The following CNTNAP2 variants were observed in gnomAD, a reference collection of about 807,000 sequenced individuals.
CNTNAP2 encodes contactin-associated protein-like 2.
Under a neutral mutation model 155.2 loss-of-function variants are expected in CNTNAP2, and 98 were observed. The ratio of observed to expected loss-of-function variants is 0.63; its 90% CI spans 0.54 to 0.75. The LOEUF is 0.75. CNTNAP2 is among the 30% of genes least tolerant of loss of function. The pLI is 0.00. For missense variants in CNTNAP2, 1,727 were observed against 1,688.1 expected (o/e 1.02, Z -0.40); for synonymous variants, 651 against 631.2 (o/e 1.03, Z -0.47).
chr7:147,347,612 G>T (rs1795900321), intron 9 of CNTNAP2, among the ~76,000 whole-genome samples: 1 of 151,238 alleles, frequency 6.6e-6, no homozygotes, highest in South Asian at 2.1e-4. Flanking sequence ...ACTACCAGAA[G>T]CAACCTACAG....
chr7:147,235,330 A>G (rs1351204953), intron 8 of CNTNAP2, among the ~76,000 whole-genome samples: 6 of 143,008 alleles, frequency 4.2e-5, no homozygotes, highest in African/African-American at 1.6e-4. Flanking sequence ...ACCTTTTTAT[A>G]GAGATGGAGT....
At chr7:148,310,176 TAG>T (rs1257581070) in intron 21 of CNTNAP2, among the ~76,000 whole-genome samples, 1 of 152,186 alleles carries the variant, frequency 6.6e-6, no homozygotes, top group African/African-American at 2.4e-5. Context: ...GACATCTAAC[TAG>T]AGAGTGTCCA....
At chr7:146,792,303 C>T (rs1420395827) in intron 2 of CNTNAP2, among the ~76,000 whole-genome samples, 3 of 151,398 alleles carry the variant, frequency 2.0e-5, no homozygotes, top group Non-Finnish European at 4.4e-5. Context: ...TAAATCTGAA[C>T]TATTTATTTT....
intron 1 of CNTNAP2, among the ~76,000 whole-genome samples, chr7:146,712,409 A>C (rs893043984): frequency 6.9e-6 from 1 of 144,224 alleles, no homozygotes; most frequent in Non-Finnish European, 1.5e-5. Context: ...AAAATAAAAA[A>C]CAGGAAATTG....
At position 147,973,911 on chromosome 7, in the gene CNTNAP2, A is replaced by G. The variant is rs188173483; in HGVS notation, c.2256-3951A>G. ...ATAATGTACATTATCTCACTTAATG[A>G]TTATTATTCTCACTTAATGAATCAT... On this transcript the variant is annotated intron_variant, in intron 14 of 23. Transcript: ENST00000361727. Among the ~76,000 whole-genome samples, 251 of 152,264 alleles carry G rather than the reference A, an allele frequency of 1.6e-3. 1 individual carries two copies. Among genetic ancestry groups the G allele is most frequent in the African/African-American group, 5.8e-3 (241 of 41,558 alleles).
chr7:146,577,231 G>T (rs1798539290), intron 1 of CNTNAP2, among the ~76,000 whole-genome samples: 1 of 151,996 alleles, frequency 6.6e-6, no homozygotes, highest in Admixed American at 6.6e-5. Context: ...TTCTGCACAG[G>T]GGTAAAGAGG....
At position 147,056,374 on chromosome 7, in the gene CNTNAP2, G is replaced by GA. The variant is rs755431904; in HGVS notation, c.550+12329dup. ...TTGAAGTGCAAATGTTTTATTAAGG[G>GA]AAAAAAAAACCCTCTTTCCCATGGC... On this transcript the variant is annotated intron_variant, in intron 4 of 23. Coordinates refer to ENST00000361727, the MANE Select transcript of CNTNAP2 (RefSeq NM_014141.6). 1.0e-4 allele frequency among the ~76,000 whole-genome samples: 15 copies of GA among 149,914 alleles called. 1 individual carries two copies. The highest frequency in any genetic ancestry group is 5.9e-4 in the East Asian group (3 of 5,094).
At chr7:147,015,216 A>C (rs950367386) in intron 3 of CNTNAP2, among the ~76,000 whole-genome samples, 1 of 152,092 alleles carries the variant, frequency 6.6e-6, no homozygotes, top group African/African-American at 2.4e-5. Flanking sequence ...AAGAGCAGGA[A>C]GCATGAGCTC....
In CNTNAP2 at chr7:146,924,303, C is replaced by G. The variant is rs904986735; in HGVS notation, c.402+84399C>G. On this transcript the variant is annotated intron_variant, in intron 3 of 23. Coordinates refer to ENST00000361727, the MANE Select transcript of CNTNAP2 (RefSeq NM_014141.6). ...GATCCTGGTGTCTAGAGGTCTAATT[C>G]TGCACCACAGATCAGTTTCACTGTC... is the stretch of plus-strand genomic sequence containing the variant. Among the ~76,000 whole-genome samples the G allele has an allele frequency of 3.3e-5, 5 of 152,182 alleles. No individual in the cohort carries two copies. In the South Asian group the frequency reaches 1.0e-3, roughly 32 times the overall value.
intron 21 of CNTNAP2, among the ~76,000 whole-genome samples, chr7:148,379,437 C>T (rs539336881): frequency 6.6e-6 from 1 of 152,124 alleles, no homozygotes; most frequent in Non-Finnish European, 1.5e-5. Flanking sequence ...GGCACAGTGG[C>T]TCATGCCTAT....
intron 1 of CNTNAP2, among the ~76,000 whole-genome samples, chr7:146,446,822 C>T (rs981714263): frequency 4.6e-5 from 7 of 152,018 alleles, no homozygotes; most frequent in Admixed American, 3.9e-4. Context: ...AATATTCCAT[C>T]GCTTTTATTG....
chr7:147,026,429 A>G (rs971589526), intron 3 of CNTNAP2, among the ~76,000 whole-genome samples: 45 of 152,326 alleles, frequency 3.0e-4, no homozygotes, highest in African/African-American at 1.1e-3. Flanking sequence ...AACATGAATG[A>G]CATATGCTTT....
At chr7:148,362,240 A>C (rs1798637908) in intron 21 of CNTNAP2, among the ~76,000 whole-genome samples, 1 of 151,804 alleles carries the variant, frequency 6.6e-6, no homozygotes, top group South Asian at 2.1e-4. Context: ...ATCTCATGAG[A>C]ACTCACTATC....
At chr7:147,735,626 G>T (rs1418950002) in intron 13 of CNTNAP2, among the ~76,000 whole-genome samples, 1 of 152,066 alleles carries the variant, frequency 6.6e-6, no homozygotes, top group Non-Finnish European at 1.5e-5. Context: ...GTGGCGTGTT[G>T]AAGTCTCCCA....
At chr7:146,989,979 A>G (rs1275231199) in intron 3 of CNTNAP2, among the ~76,000 whole-genome samples, 1 of 152,104 alleles carries the variant, frequency 6.6e-6, no homozygotes, top group Non-Finnish European at 1.5e-5. Flanking sequence ...TATGGAAATC[A>G]AATATCACAT....
chr7:146,474,659 T>C (rs1796848318), intron 1 of CNTNAP2, among the ~76,000 whole-genome samples: 1 of 152,268 alleles, frequency 6.6e-6, no homozygotes, highest in Non-Finnish European at 1.5e-5. Flanking sequence ...TTAGTTACAA[T>C]CATGAAAATA....
At chr7:147,870,812 T>C (rs1799314416) in intron 13 of CNTNAP2, among the ~76,000 whole-genome samples, 2 of 152,096 alleles carry the variant, frequency 1.3e-5, no homozygotes, top group African/African-American at 2.4e-5. Context: ...TTGTGGCATC[T>C]GTTGTGACCC....
intron 3 of CNTNAP2, among the ~76,000 whole-genome samples, chr7:146,869,005 A>C (rs1795256191): frequency 1.3e-5 from 2 of 152,100 alleles, no homozygotes; most frequent in African/African-American, 2.4e-5. Context: ...GATGTGCTTT[A>C]TTTCTTTCTC....
At chr7:146,252,720 C>T (rs115249922) in intron 1 of CNTNAP2, among the ~76,000 whole-genome samples, 3,506 of 152,096 alleles carry the variant, frequency 0.023, 124 homozygotes, top group African/African-American at 0.078. Flanking sequence ...ATACCCATTG[C>T]CTTATATTCT....
Sources: allele counts gnomAD v4.1 joint callset (sites outside exome capture counted in the v4.1 genomes callset), GRCh38; gene constraint gnomAD v4.1.1; transcripts MANE v1.5; gene names NCBI Gene and HGNC (gene_info 2026-07-23, HGNC 2026-07-21).